Variants in CNTNAP5 observed in about 807,000 individuals in gnomAD.
CNTNAP5 encodes contactin-associated protein-like 5.
A neutral mutation model predicts 150.2 loss-of-function variants in CNTNAP5; 72 were observed. The ratio of observed to expected loss-of-function variants is 0.48; its 90% CI spans 0.40 to 0.58. CNTNAP5 has a LOEUF of 0.58. Among genes scored for constraint, CNTNAP5 ranks in the 20% least tolerant of loss-of-function variants. The pLI, the probability that CNTNAP5 is intolerant of heterozygous loss-of-function variation, is 0.00. For synonymous variants in CNTNAP5, 672 were observed against 619.8 expected (o/e 1.08, Z -1.25); for missense variants, 1,636 against 1,626.2 (o/e 1.01, Z -0.10).
chr2:124,566,616 C>CT (rs1696030640), intron 11 of CNTNAP5, among the ~76,000 whole-genome samples: 1 of 152,214 alleles, frequency 6.6e-6, no homozygotes, highest in Non-Finnish European at 1.5e-5. Context: ...TTGTGAAACT[C>CT]TATCTTTGCT....
chr2:124,230,690 C>G (rs886513097), intron 2 of CNTNAP5, among the ~76,000 whole-genome samples: 6 of 151,870 alleles, frequency 4.0e-5, no homozygotes, highest in African/African-American at 1.5e-4. Flanking sequence ...TGCCACTGTG[C>G]CCAGCTAATT....
chr2:124,374,074 A>G (rs1690591734), intron 3 of CNTNAP5, among the ~76,000 whole-genome samples: 1 of 152,088 alleles, frequency 6.6e-6, no homozygotes, highest in Non-Finnish European at 1.5e-5. Flanking sequence ...TTAATTCTAC[A>G]GTGATCCTAT....
rs1018819667 is a variant in CNTNAP5 at position 124,101,986 on chromosome 2, C to T, written c.82+76254C>T. On this transcript the variant is annotated intron_variant, in intron 1 of 23. Coordinates refer to ENST00000682447, the MANE Select transcript of CNTNAP5 (RefSeq NM_001367498.1). The stretch of plus-strand genomic sequence containing the variant: ...CACAGGCTGGTGGGGTTGCTGACAG[C>T]GTATCACTGATTTTCCACAACCAGC... Among the ~76,000 whole-genome samples, 11 of 152,268 alleles carry T rather than the reference C, an allele frequency of 7.2e-5. No homozygotes were observed. The South Asian group carries it at 1.5e-3, about 20-fold the overall frequency.
At chr2:124,585,973 G>A (rs1322716810) in intron 11 of CNTNAP5, among the ~76,000 whole-genome samples, 1 of 152,102 alleles carries the variant, frequency 6.6e-6, no homozygotes, top group Non-Finnish European at 1.5e-5. Flanking sequence ...GAAACAAAGT[G>A]TGAACCTCCT....
Position 124,571,657 on chromosome 2 carries a change from C to T in CNTNAP5, c.1756+8334C>T, listed in dbSNP as rs574262868. ...AAGCGATTCTCCTACCTCAGCCTCC[C>T]GAGTAGCTAGGATTACAGGCACAGG... is the stretch of plus-strand genomic sequence containing the variant. On this transcript the variant is annotated intron_variant, in intron 11 of 23. Transcript: ENST00000682447. 1.2e-4 allele frequency among the ~76,000 whole-genome samples: 18 copies of T among 150,430 alleles called. No individual in the cohort carries two copies. The East Asian group carries it at 2.2e-3, about 18-fold the overall frequency.
At chr2:124,855,379 T>A (rs926245679) in intron 19 of CNTNAP5, among the ~76,000 whole-genome samples, 2 of 152,048 alleles carry the variant, frequency 1.3e-5, no homozygotes, top group African/African-American at 4.8e-5. Context: ...GGTTTCGCCA[T>A]GTTGGTCAGG....
chr2:124,376,561 C>CGT (rs1183328660), intron 3 of CNTNAP5, among the ~76,000 whole-genome samples: 1 of 151,488 alleles, frequency 6.6e-6, no homozygotes, highest in Non-Finnish European at 1.5e-5. Context: ...CTATATGTAC[C>CGT]GTGTGTGTGT....
At chr2:124,862,849 G>A (rs994343855) in intron 19 of CNTNAP5, among the ~76,000 whole-genome samples, 7 of 152,170 alleles carry the variant, frequency 4.6e-5, no homozygotes, top group African/African-American at 9.7e-5. Context: ...TCACATTCGC[G>A]GGTGGAGGGA....
In CNTNAP5 at chr2:124,092,875, T is replaced by C. The variant is rs955955518; in HGVS notation, c.82+67143T>C. On this transcript the variant is annotated intron_variant, in intron 1 of 23. Transcript: ENST00000682447. ...TAAATACATGATAAAAATCACGTGA[T>C]ACAAACAATGAAACAGGGAAATAGT... Among the ~76,000 whole-genome samples, 7 of 152,320 alleles carry C rather than the reference T, an allele frequency of 4.6e-5. No homozygotes were observed. The South Asian group carries it at 1.4e-3, about 32-fold the overall frequency.
intron 3 of CNTNAP5, among the ~76,000 whole-genome samples, chr2:124,397,480 CTAAT>C (rs1320193668): frequency 6.6e-6 from 1 of 152,146 alleles, no homozygotes; most frequent in African/African-American, 2.4e-5. Flanking sequence ...TTCTCATGAA[CTAAT>C]TACCTCTCAA....
intron 19 of CNTNAP5, among the ~76,000 whole-genome samples, chr2:124,836,079 G>A (rs1380535298): frequency 1.3e-5 from 2 of 152,112 alleles, no homozygotes; most frequent in African/African-American, 4.8e-5. Flanking sequence ...ATGGTAAGTG[G>A]CAGAAGGATT....
At chr2:124,794,715 G>A (rs144091876) in intron 18 of CNTNAP5, among the ~76,000 whole-genome samples, 1,846 of 151,904 alleles carry the variant, frequency 0.012, 18 homozygotes, top group Middle Eastern at 0.02. Context: ...CCCATTCACC[G>A]GTTATCTAAC....
chr2:124,719,748 T>C (rs1441760738), intron 13 of CNTNAP5, among the ~76,000 whole-genome samples: 1 of 152,182 alleles, frequency 6.6e-6, no homozygotes, highest in Non-Finnish European at 1.5e-5. Context: ...TATGAAATCT[T>C]AAGAAACATC....
intron 3 of CNTNAP5, among the ~76,000 whole-genome samples, chr2:124,397,999 A>C (rs1691300758): frequency 6.6e-6 from 1 of 152,212 alleles, no homozygotes; most frequent in African/African-American, 2.4e-5. Flanking sequence ...AAATGTTTAC[A>C]TTTTTTGTGC....
At chr2:124,556,271 T>G (rs1426915542) in intron 10 of CNTNAP5, among the ~76,000 whole-genome samples, 1 of 152,144 alleles carries the variant, frequency 6.6e-6, no homozygotes, top group Non-Finnish European at 1.5e-5. Flanking sequence ...TCTCACTTTT[T>G]AAATCTGTAA....
At chr2:124,615,675 T>C (rs1335937404) in intron 12 of CNTNAP5, among the ~76,000 whole-genome samples, 2 of 152,054 alleles carry the variant, frequency 1.3e-5, no homozygotes, top group African/African-American at 4.8e-5. Context: ...ATGTTCTTAA[T>C]GAGATCTACA....
At chr2:124,447,004 T>G in intron 6 of CNTNAP5, 67 bp downstream of exon 6, 1 of 1,485,706 alleles carries the variant, frequency 6.7e-7, no homozygotes, top group Non-Finnish European at 9.3e-7. Flanking sequence ...AGAAAATCAG[T>G]GAGCAGACCA....
intron 8 of CNTNAP5, among the ~76,000 whole-genome samples, chr2:124,510,323 ATC>A (rs1394216448): frequency 1.6e-4 from 18 of 112,942 alleles, no homozygotes; most frequent in South Asian, 6.0e-4. Flanking sequence ...CTATATATCT[ATC>A]TATATATATA....
rs576602910 is a variant in CNTNAP5, at chr2:124,684,679, A to T, written c.2077+36721A>T. 5.9e-5 allele frequency among the ~76,000 whole-genome samples: 9 copies of T among 152,316 alleles called. 1 individual carries two copies. The East Asian group carries it at 1.5e-3, about 26-fold the overall frequency. On this transcript the variant is annotated intron_variant, in intron 13 of 23. Transcript: ENST00000682447. ...CACCTTGCGGAGTAGTCTTGTGATG[A>T]TTAAGCGAGAAAAATCTATGCAATA...
Sources: gnomAD v4.1 joint callset for allele counts (sites outside exome capture counted in the v4.1 genomes callset) on GRCh38, gnomAD v4.1.1 for gene constraint, MANE v1.5 for transcripts, NCBI Gene and HGNC (gene_info 2026-07-23, HGNC 2026-07-21) for gene names.